The following ANKHD1 variants were observed in gnomAD, a reference collection of about 807,000 sequenced individuals.
The protein encoded by ANKHD1 is ankyrin repeat and KH domain containing 1.
In ANKHD1, 31 loss-of-function variants were observed where a neutral mutation model predicts 230.5. The observed-to-expected ratio is 0.13, with a 90% CI of 0.10 to 0.18. ANKHD1 has a LOEUF of 0.18. ANKHD1 is among the 10% of genes least tolerant of loss of function. The pLI, the probability that ANKHD1 is intolerant of heterozygous loss-of-function variation, is 1.00. For synonymous variants in ANKHD1, 1,074 were observed against 1,117.6 expected, an observed-to-expected ratio of 0.96 and a Z score of 0.78; for missense variants, 2,256 against 3,071.3, an observed-to-expected ratio of 0.73 and a Z score of 6.27.
chr5:140,497,185 C>CATG lies in ANKHD1; in HGVS notation c.2914_2916dup (p.Asp972dup). On this transcript the variant is annotated inframe_insertion, in exon 15 of 34. Transcript: ENST00000360839. ...ACAGCCTCAGATTGCTATTACTGGACATGATCAGGGGCTGTTAGTTCAAGA... is the reference window on the plus strand; with the variant it reads ...ACAGCCTCAGATTGCTATTACTGGACATGATGATCAGGGGCTGTTAGTTCAAGA... 1 of 1,613,604 alleles carries CATG rather than the reference C, an allele frequency of 6.2e-7. No homozygotes were observed. The highest frequency in any genetic ancestry group is 8.5e-7 in the Non-Finnish European group (1 of 1,180,012).
chr5:140,417,673 G>A (rs1182238112), intron 1 of ANKHD1, among the ~76,000 whole-genome samples: 3 of 151,752 alleles, frequency 2.0e-5, no homozygotes, highest in Admixed American at 6.6e-5. Context: ...TGGTGGTCCT[G>A]AACCTCCTGA....
Position 140,486,988 on chromosome 5 carries a change from A to G in ANKHD1, c.2173A>G (p.Met725Val), listed in dbSNP as rs758201902. The G allele has an allele frequency of 2.1e-5, 34 of 1,613,424 alleles. No homozygotes were observed. The highest frequency in any genetic ancestry group is 2.8e-5 in the Non-Finnish European group (33 of 1,179,628). ...VPRVPTHTLA[M>V]VVPPQEPDRT... ...ACGTGTGCCAACGCATACACTTGCC[A>G]TGGTTGTACCTCCCCAGGAACCTGA... is the stretch of plus-strand genomic sequence containing the variant. Residue 725 changes from methionine (M) to valine (V), a missense_variant, in exon 14 of 34, where the codon ATG (methionine) becomes GTG (valine). By Grantham distance (21) the Met-to-Val change is conservative (BLOSUM62 1). This residue lies in a region of ANKHD1 where 358 missense variants were observed against 397.7 expected (regional missense o/e 0.90). Transcript: ENST00000360839.
intron 1 of ANKHD1, among the ~76,000 whole-genome samples, chr5:140,419,842 TTC>T (rs1262680597): frequency 3.5e-5 from 5 of 143,262 alleles, no homozygotes; most frequent in Admixed American, 1.4e-4. Flanking sequence ...TTCTTTTTCT[TTC>T]TCTTTCTTTT....
At chr5:140,472,512 C>A in intron 10 of ANKHD1, 1 of 1,210,158 alleles carries the variant, frequency 8.3e-7, no homozygotes, top group African/African-American at 1.6e-5. Flanking sequence ...CAGTGATATT[C>A]CTAAAAAAAT....
At chr5:140,524,275 TCTC>T in intron 25 of ANKHD1, 35 bp downstream of exon 25, 1 of 1,528,712 alleles carries the variant, frequency 6.5e-7, no homozygotes, top group Non-Finnish European at 8.7e-7. Flanking sequence ...ACGATAAAAT[TCTC>T]CTTTGTTTAT....
intron 1 of ANKHD1, among the ~76,000 whole-genome samples, chr5:140,427,879 C>T (rs551121947): frequency 2.7e-5 from 4 of 150,852 alleles, no homozygotes; most frequent in South Asian, 2.1e-4. Context: ...ACTTCTCAGA[C>T]GGGGCGGCTG....
chr5:140,440,030 T>C (rs1773738747), intron 3 of ANKHD1, 89 bp from the exon 4 acceptor site: 4 of 1,347,748 alleles, frequency 3.0e-6, no homozygotes, highest in Non-Finnish European at 3.8e-6. Flanking sequence ...AACATTTTTC[T>C]TTGTGTGACT....
At chr5:140,451,842 T>G (rs1774761359) in intron 7 of ANKHD1, among the ~76,000 whole-genome samples, 1 of 152,096 alleles carries the variant, frequency 6.6e-6, no homozygotes, top group Non-Finnish European at 1.5e-5. Context: ...TAAACCTTAT[T>G]TTTCTACTCA....
chr5:140,537,383 T>A lies in ANKHD1; in HGVS notation c.7028-6T>A. Reference sequence around the variant, plus strand: ...GTTTCTTCGGGATCATCTTCACCTCTTTCAGCCACTTCTGCCCCACCAACG... The same window carrying A: ...GTTTCTTCGGGATCATCTTCACCTCATTCAGCCACTTCTGCCCCACCAACG... On this transcript the variant is annotated splice_polypyrimidine_tract_variant and splice_region_variant and intron_variant, in intron 30 of 33. Transcript: ENST00000360839. 6.2e-7 allele frequency: 1 copy of A among 1,613,840 alleles called. No individual in the cohort carries two copies. Among genetic ancestry groups the A allele is most frequent in the South Asian group, 1.1e-5 (1 of 91,010 alleles).
chr5:140,515,701 G>A (rs138548851), intron 24 of ANKHD1, among the ~76,000 whole-genome samples: 13 of 152,244 alleles, frequency 8.5e-5, no homozygotes, highest in South Asian at 2.1e-4. Context: ...CACCTCACAC[G>A]GCCGGGTACT....
intron 5 of ANKHD1, 23 bp from the exon 6 acceptor site, chr5:140,445,719 A>G (rs750233314): frequency 6.5e-7 from 1 of 1,544,250 alleles, no homozygotes; most frequent in Admixed American, 1.9e-5. Flanking sequence ...CTCATGTATT[A>G]TATTTCTTCT....
At chr5:140,447,179 A>C (rs1454009658) in intron 6 of ANKHD1, among the ~76,000 whole-genome samples, 1 of 152,096 alleles carries the variant, frequency 6.6e-6, no homozygotes, top group Non-Finnish European at 1.5e-5. Flanking sequence ...CTGGGGTTAC[A>C]GGCATGAACC....
intron 1 of ANKHD1, among the ~76,000 whole-genome samples, chr5:140,404,203 A>G (rs759378635): frequency 1.3e-5 from 2 of 152,176 alleles, no homozygotes; most frequent in Non-Finnish European, 2.9e-5. Flanking sequence ...TGAGAGATTA[A>G]GCTAGAACAC....
intron 11 of ANKHD1, 145 bp downstream of exon 11, chr5:140,482,812 G>C (rs1377551236): frequency 3.5e-6 from 3 of 861,988 alleles, no homozygotes; most frequent in Non-Finnish European, 5.0e-6. Context: ...TATTTAGTAA[G>C]CATAGAGTTT....
At chr5:140,417,578 A>G (rs1462093176) in intron 1 of ANKHD1, among the ~76,000 whole-genome samples, 1 of 151,804 alleles carries the variant, frequency 6.6e-6, no homozygotes, top group African/African-American at 2.4e-5. Context: ...CCTCCTAAGT[A>G]TAGCTGGGAC....
intron 1 of ANKHD1, among the ~76,000 whole-genome samples, chr5:140,416,842 A>T (rs1309745795): frequency 6.6e-6 from 1 of 150,896 alleles, no homozygotes; most frequent in Non-Finnish European, 1.5e-5. Flanking sequence ...TCCCATATTA[A>T]TTTTAGGATG....
intron 1 of ANKHD1, among the ~76,000 whole-genome samples, chr5:140,408,405 A>T (rs973454256): frequency 1.3e-5 from 2 of 152,166 alleles, no homozygotes; most frequent in African/African-American, 4.8e-5. Flanking sequence ...CATACTTTAA[A>T]GGCATATCAA....
At chr5:140,423,815 C>T (rs1772180168) in intron 1 of ANKHD1, among the ~76,000 whole-genome samples, 1 of 152,120 alleles carries the variant, frequency 6.6e-6, no homozygotes, top group South Asian at 2.1e-4. Context: ...GTTCCTAGTT[C>T]AACAGTGTTA....
intron 5 of ANKHD1, among the ~76,000 whole-genome samples, chr5:140,443,073 T>C (rs1581252345): frequency 6.6e-6 from 1 of 151,882 alleles, no homozygotes; most frequent in Non-Finnish European, 1.5e-5. Flanking sequence ...GCCTGGCTAA[T>C]TTTTTGTATT....
Sources: gnomAD v4.1 joint callset for allele counts (sites outside exome capture counted in the v4.1 genomes callset) on GRCh38, gnomAD v4.1.1 for gene constraint, gnomAD v4.1.1 regional missense constraint, MANE v1.5 for transcripts, NCBI Gene and HGNC (gene_info 2026-07-23, HGNC 2026-07-21) for gene names.